Variants in PTCSC3 observed in about 807,000 individuals in gnomAD.
The protein encoded by PTCSC3 is papillary thyroid carcinoma susceptibility candidate 3 (non-protein coding).
At chr14:36,140,664 A>G (rs1881398151) in intron 3 of PTCSC3, among the ~76,000 whole-genome samples, 1 of 152,158 alleles carries the variant, frequency 6.6e-6, no homozygotes, top group Non-Finnish European at 1.5e-5. Flanking sequence ...TAGTTCATCC[A>G]TTTTTTAATT....
chr14:36,166,487 G>T (rs999888260), intron 1 of PTCSC3, among the ~76,000 whole-genome samples: 1 of 152,022 alleles, frequency 6.6e-6, no homozygotes, highest in South Asian at 2.1e-4. Flanking sequence ...TCTAAGCAGG[G>T]TGTCTGATAT....
intron 2 of PTCSC3, chr14:36,162,575 C>G (rs1881990401): frequency 1.3e-5 from 2 of 152,266 alleles, no homozygotes; most frequent in Non-Finnish European, 2.9e-5. Flanking sequence ...CTCACCAGTC[C>G]CAATGAGATT....
chr14:36,171,515 T>A (rs576720269), intron 1 of PTCSC3, among the ~76,000 whole-genome samples: 12 of 152,302 alleles, frequency 7.9e-5, no homozygotes, highest in African/African-American at 2.4e-4. Flanking sequence ...CTCCTTTCAT[T>A]TGAGACTGAG....
intron 1 of PTCSC3, among the ~76,000 whole-genome samples, chr14:36,166,213 G>A (rs886150512): frequency 1.3e-5 from 2 of 152,094 alleles, no homozygotes; most frequent in African/African-American, 2.4e-5. Flanking sequence ...TTCTAGGCAC[G>A]CTACAGCAAC....
intron 1 of PTCSC3, among the ~76,000 whole-genome samples, chr14:36,167,140 C>T (rs1019537190): frequency 1.3e-5 from 2 of 152,184 alleles, no homozygotes; most frequent in African/African-American, 4.8e-5. Flanking sequence ...CCATTTTAAA[C>T]CCAGCAATAG....
chr14:36,151,447 C>T (rs115851848), intron 3 of PTCSC3, among the ~76,000 whole-genome samples: 57 of 152,158 alleles, frequency 3.7e-4, no homozygotes, highest in African/African-American at 1.3e-3. Flanking sequence ...AATTATGATA[C>T]GTTATTACTT....
intron 2 of PTCSC3, among the ~76,000 whole-genome samples, chr14:36,160,743 G>A (rs1881936972): frequency 6.6e-6 from 1 of 152,078 alleles, no homozygotes; most frequent in African/African-American, 2.4e-5. Context: ...GGTGTTCTCT[G>A]TATTTCCTGA....
chr14:36,140,068 T>C (rs1332851678), intron 3 of PTCSC3, among the ~76,000 whole-genome samples: 2 of 152,204 alleles, frequency 1.3e-5, no homozygotes, highest in African/African-American at 4.8e-5. Flanking sequence ...TAAGATGTCA[T>C]GTAGTTGGAA....
exon 1 of PTCSC3, chr14:36,176,398 TTCAC>T (rs1455024953): frequency 6.6e-6 from 1 of 151,814 alleles, no homozygotes; most frequent in Non-Finnish European, 1.5e-5. Flanking sequence ...CACAACAGTC[TTCAC>T]TCACAGGCAG....
chr14:36,168,850 G>A (rs1266925843), intron 1 of PTCSC3, among the ~76,000 whole-genome samples: 1 of 152,024 alleles, frequency 6.6e-6, no homozygotes, highest in South Asian at 2.1e-4. Context: ...CAAACTCCTG[G>A]CCTCAAGCCA....
intron 3 of PTCSC3, among the ~76,000 whole-genome samples, chr14:36,151,272 G>T (rs746008273): frequency 6.6e-6 from 1 of 151,716 alleles, no homozygotes; most frequent in Non-Finnish European, 1.5e-5. Context: ...TCCTCTGTAG[G>T]TAAGGTATTA....
At chr14:36,151,966 A>G (rs1456298683) in intron 3 of PTCSC3, among the ~76,000 whole-genome samples, 2 of 152,218 alleles carry the variant, frequency 1.3e-5, no homozygotes, top group African/African-American at 4.8e-5. Flanking sequence ...ATGATTTTTC[A>G]TTTCATTGTG....
intron 2 of PTCSC3, among the ~76,000 whole-genome samples, chr14:36,161,407 G>C (rs1419568934): frequency 2.0e-5 from 3 of 152,036 alleles, no homozygotes; most frequent in Non-Finnish European, 4.4e-5. Flanking sequence ...GGGGTTTTCT[G>C]TGTCTGGACA....
chr14:36,171,091 TG>T (rs759764620), intron 1 of PTCSC3, among the ~76,000 whole-genome samples: 21 of 152,216 alleles, frequency 1.4e-4, no homozygotes, highest in Non-Finnish European at 2.9e-4. Context: ...ATATTGTTTC[TG>T]TGGAAATATA....
chr14:36,146,168 T>G (rs933913273), intron 3 of PTCSC3, among the ~76,000 whole-genome samples: 1 of 144,034 alleles, frequency 6.9e-6, no homozygotes, highest in African/African-American at 2.5e-5. Flanking sequence ...TCTGTAGATG[T>G]CTATTAGGTC....
At chr14:36,143,144 A>C (rs2139089833) in intron 3 of PTCSC3, among the ~76,000 whole-genome samples, 1 of 150,150 alleles carries the variant, frequency 6.7e-6, no homozygotes, top group East Asian at 2.0e-4. Context: ...TTATAGCAGC[A>C]TGATTTATAG....
chr14:36,136,954 C>CA (rs1381955928), intron 3 of PTCSC3, among the ~76,000 whole-genome samples: 2 of 152,096 alleles, frequency 1.3e-5, no homozygotes, highest in African/African-American at 4.8e-5. Flanking sequence ...AATATAGCAT[C>CA]AAACAACACA....
At chr14:36,135,194 C>T (rs1237113940), downstream of PTCSC3, among the ~76,000 whole-genome samples, 1 of 151,986 alleles carries the variant, frequency 6.6e-6, no homozygotes. Context: ...AATGAAAAAG[C>T]TTTTACTTCT....
rs182691976 is a variant in PTCSC3, at chr14:36,150,505, A to G, written n.322+3299T>C. Among the ~76,000 whole-genome samples the G allele has an allele frequency of 2.3e-3, 356 of 152,322 alleles. 1 individual carries two copies. The highest frequency in any genetic ancestry group is 0.01 in the Middle Eastern group (3 of 294). On this transcript the variant is annotated intron_variant and non_coding_transcript_variant, in intron 3 of 3. Coordinates refer to ENST00000556013, the Ensembl canonical transcript of PTCSC3. ...TTTTATGAAATACTCAGTTTATAGTATTTTGTTATAGCAGCCTGAAGGGAC... is the reference window on the plus strand; with the variant it reads ...TTTTATGAAATACTCAGTTTATAGTGTTTTGTTATAGCAGCCTGAAGGGAC...
Sources: gnomAD v4.1 joint callset for allele counts (sites outside exome capture counted in the v4.1 genomes callset) on GRCh38, gnomAD v4.1.1 for gene constraint, MANE v1.5 for transcripts, NCBI Gene and HGNC (gene_info 2026-07-23, HGNC 2026-07-21) for gene names.